MSRA: variants seen among roughly 807,000 people sequenced by gnomAD.
MSRA encodes the protein mitochondrial peptide methionine sulfoxide reductase.
MSRA carries 54 observed loss-of-function variants against 31.3 expected under a neutral mutation model. The ratio of observed to expected loss-of-function variants is 1.73; its 90% confidence interval spans 1.39 to 2.17. The LOEUF is 2.17. Ranked by LOEUF, MSRA falls within the 30% of genes most tolerant of loss-of-function variation. MSRA has a pLI of 0.00. For synonymous variants in MSRA, 169 were observed against 116.5 expected, an observed-to-expected ratio of 1.45 and a Z score of -2.90; for missense variants, 507 against 300.9, an observed-to-expected ratio of 1.69 and a Z score of -5.07.
intron 4 of MSRA, among the ~76,000 whole-genome samples, chr8:10,306,015 T>C (rs965048398): frequency 6.6e-6 from 1 of 152,248 alleles, no homozygotes; most frequent in Non-Finnish European, 1.5e-5. Context: ...ATTCTGGCCT[T>C]CTTTCTTACT....
intron 2 of MSRA, among the ~76,000 whole-genome samples, chr8:10,241,977 A>G (rs149091921): frequency 1.3e-5 from 2 of 152,354 alleles, no homozygotes; most frequent in East Asian, 3.9e-4. Flanking sequence ...GTTGATTAAA[A>G]TGACTTAAAG....
intron 1 of MSRA, among the ~76,000 whole-genome samples, chr8:10,190,080 C>T (rs75783668): frequency 0.023 from 3,557 of 152,152 alleles, 131 homozygotes; most frequent in African/African-American, 0.08. Flanking sequence ...CTGTGATAAG[C>T]CAAGGAATGT....
intron 1 of MSRA, among the ~76,000 whole-genome samples, chr8:10,074,806 C>T (rs185331995): frequency 2.0e-5 from 3 of 152,054 alleles, no homozygotes; most frequent in Non-Finnish European, 2.9e-5. Flanking sequence ...TTACAGGCAC[C>T]TACCACCATG....
intron 5 of MSRA, among the ~76,000 whole-genome samples, chr8:10,359,738 C>T (rs111348304): frequency 1.3e-5 from 2 of 152,002 alleles, no homozygotes; most frequent in South Asian, 2.1e-4. Flanking sequence ...AGATGGAGGA[C>T]GATCTCAGAT....
intron 2 of MSRA, among the ~76,000 whole-genome samples, chr8:10,242,682 G>A (rs573476980): frequency 2.6e-5 from 4 of 152,194 alleles, no homozygotes; most frequent in Middle Eastern, 3.4e-3. Flanking sequence ...AAATTTATGA[G>A]TAATTTTGCT....
At chr8:10,197,743 C>T (rs1808120344) in intron 1 of MSRA, among the ~76,000 whole-genome samples, 1 of 152,138 alleles carries the variant, frequency 6.6e-6, no homozygotes, top group African/African-American at 2.4e-5. Context: ...AAGCCCTCTC[C>T]AAGACAGGGA....
intron 4 of MSRA, among the ~76,000 whole-genome samples, chr8:10,305,307 A>C (rs956035091): frequency 1.3e-5 from 2 of 152,154 alleles, no homozygotes; most frequent in Non-Finnish European, 2.9e-5. Flanking sequence ...TAGGCTAAAC[A>C]GAGAACATTC....
At chr8:10,306,498 C>T (rs760087461) in intron 4 of MSRA, among the ~76,000 whole-genome samples, 4 of 151,954 alleles carry the variant, frequency 2.6e-5, no homozygotes, top group South Asian at 2.1e-4. Context: ...TTCTACCCAC[C>T]GAGATTCTTG....
chr8:10,278,259 A>G (rs1045885179), intron 3 of MSRA, among the ~76,000 whole-genome samples: 1 of 152,178 alleles, frequency 6.6e-6, no homozygotes, highest in East Asian at 1.9e-4. Flanking sequence ...TGTCTGGGCC[A>G]TCTGCTGCAT....
intron 3 of MSRA, among the ~76,000 whole-genome samples, chr8:10,267,687 C>T (rs1798817592): frequency 6.6e-6 from 1 of 152,310 alleles, no homozygotes; most frequent in South Asian, 2.1e-4. Flanking sequence ...CAGTCCCCCA[C>T]ACCTGCTGGG....
At chr8:10,380,206 T>A (rs1397505174) in intron 5 of MSRA, among the ~76,000 whole-genome samples, 1 of 152,242 alleles carries the variant, frequency 6.6e-6, no homozygotes, top group Non-Finnish European at 1.5e-5. Flanking sequence ...ATGTGCTGTT[T>A]CCTCTGCCTA....
At chr8:10,250,593 T>C (rs1797863871) in intron 3 of MSRA, 2 of 644,750 alleles carry the variant, frequency 3.1e-6, no homozygotes, top group East Asian at 5.5e-5. Context: ...ATCAACAGAA[T>C]ACTCCGGTGG....
At chr8:10,377,667 G>A (rs1805830425) in intron 5 of MSRA, among the ~76,000 whole-genome samples, 1 of 152,222 alleles carries the variant, frequency 6.6e-6, no homozygotes, top group Non-Finnish European at 1.5e-5. Flanking sequence ...GAGCTTGGGA[G>A]CAAGCGGTCT....
intron 5 of MSRA, among the ~76,000 whole-genome samples, chr8:10,356,507 G>A (rs1804515794): frequency 6.6e-6 from 1 of 152,162 alleles, no homozygotes; most frequent in African/African-American, 2.4e-5. Context: ...TGTCACCCAG[G>A]TGTGTGCTGT....
At chr8:10,138,178 A>T (rs1802430986) in intron 1 of MSRA, among the ~76,000 whole-genome samples, 1 of 152,218 alleles carries the variant, frequency 6.6e-6, no homozygotes. Context: ...CGTGACTGGG[A>T]TGTATCCCTG....
At chr8:10,334,593 C>G (rs1802910717) in intron 5 of MSRA, among the ~76,000 whole-genome samples, 1 of 152,138 alleles carries the variant, frequency 6.6e-6, no homozygotes, top group Non-Finnish European at 1.5e-5. Flanking sequence ...CCTGCACGGC[C>G]GCGGGACGCC....
At chr8:10,068,506 C>T (rs1469408268) in intron 1 of MSRA, among the ~76,000 whole-genome samples, 2 of 152,162 alleles carry the variant, frequency 1.3e-5, no homozygotes, top group South Asian at 2.1e-4. Context: ...AGGTCTGTGT[C>T]TAGATTTATT....
intron 1 of MSRA, among the ~76,000 whole-genome samples, chr8:10,058,052 A>C (rs770611442): frequency 6.6e-6 from 1 of 152,242 alleles, no homozygotes; most frequent in African/African-American, 2.4e-5. Context: ...CTTTAAAATA[A>C]CTTTGACAAG....
At chr8:10,094,483 T>C (rs1345639901) in intron 1 of MSRA, among the ~76,000 whole-genome samples, 1 of 152,240 alleles carries the variant, frequency 6.6e-6, no homozygotes, top group Non-Finnish European at 1.5e-5. Flanking sequence ...CGTAGTAGTT[T>C]GGAAGCAAAG....
Sources: allele counts gnomAD v4.1 joint callset (sites outside exome capture counted in the v4.1 genomes callset), GRCh38; gene constraint gnomAD v4.1.1; transcripts MANE v1.5; gene names NCBI Gene and HGNC (gene_info 2026-07-23, HGNC 2026-07-21).